The following GAB2 variants were observed in gnomAD, a reference collection of about 807,000 sequenced individuals.
The protein encoded by GAB2 is GRB2 associated binding protein 2, also known as GRB2-associated-binding protein 2.
A neutral mutation model predicts 65.5 loss-of-function variants in GAB2; 26 were observed. The ratio of observed to expected loss-of-function variants is 0.40; its 90% CI spans 0.29 to 0.55. The LOEUF (loss-of-function observed/expected upper bound fraction) is 0.55. Among genes scored for constraint, GAB2 ranks in the 20% least tolerant of loss-of-function variants. The pLI is 0.53. For synonymous variants in GAB2, 321 were observed against 329.6 expected, an observed-to-expected ratio of 0.97 and a Z score of 0.28; for missense variants, 884 against 875.8, an observed-to-expected ratio of 1.01 and a Z score of -0.12.
intron 1 of GAB2, among the ~76,000 whole-genome samples, chr11:78,334,398 C>T (rs2134681927): frequency 6.6e-6 from 1 of 152,250 alleles, no homozygotes; most frequent in Middle Eastern, 3.4e-3. Flanking sequence ...ACCTCTCTTA[C>T]CACCCCTCAC....
At chr11:78,412,257 AT>A (rs1857139799) in intron 1 of GAB2, among the ~76,000 whole-genome samples, 1 of 152,228 alleles carries the variant, frequency 6.6e-6, no homozygotes, top group African/African-American at 2.4e-5. Context: ...CATAAGGGAA[AT>A]GTAAATGAGA....
chr11:78,417,688 G>T lies in GAB2; in HGVS notation c.33C>A (p.Gly11=). The T allele has an allele frequency of 7.2e-7, 1 of 1,387,112 alleles. No homozygotes were observed. Among genetic ancestry groups the T allele is most frequent in the Non-Finnish European group, 9.6e-7 (1 of 1,046,986 alleles). 85.9% of individuals were successfully genotyped at this position (1,387,112 alleles called of 1,614,324 possible). The part of the protein sequence containing the change: MSGGGDVVCT[G]WLRKSPPEKK... ...TCTCGGGAGGCGATTTCCTCAGCCA[G>T]CCGGTGCACACCACGTCGCCGCCGC... The change falls in exon 1 of 10, where the codon GGC becomes GGA. Residue 11 remains glycine (G), a synonymous_variant. Transcript: ENST00000361507.
chr11:78,300,238 T>TA (rs1244493891), intron 1 of GAB2, among the ~76,000 whole-genome samples: 2 of 151,820 alleles, frequency 1.3e-5, no homozygotes, highest in African/African-American at 4.9e-5. Flanking sequence ...CCTGGCTTTT[T>TA]ATGCACAACA....
intron 2 of GAB2, among the ~76,000 whole-genome samples, chr11:78,266,046 C>T (rs1017704398): frequency 6.6e-6 from 1 of 151,558 alleles, no homozygotes; most frequent in Non-Finnish European, 1.5e-5. Flanking sequence ...GAAACCCCAT[C>T]TCTACTAAAA....
At chr11:78,256,815 A>G (rs1332892305) in intron 2 of GAB2, among the ~76,000 whole-genome samples, 2 of 152,168 alleles carry the variant, frequency 1.3e-5, no homozygotes, top group African/African-American at 2.4e-5. Flanking sequence ...GAATGGTGAA[A>G]ATAAAGGAAG....
chr11:78,361,959 G>T (rs1856440420), intron 1 of GAB2, among the ~76,000 whole-genome samples: 1 of 151,994 alleles, frequency 6.6e-6, no homozygotes, highest in South Asian at 2.1e-4. Flanking sequence ...ATGCTCATCA[G>T]TAAAGACTTA....
At chr11:78,417,563 GCCGCCCCTCCGGGAGTCCC>G (rs1857215535) in intron 1 of GAB2, 64 bp downstream of exon 1, 3 of 688,770 alleles carry the variant, frequency 4.4e-6, no homozygotes, top group South Asian at 4.6e-5. Context: ...TCCCCAGCCT[GCCGCCCCTCCGGGAGTCCC>G]CCGCCCCTCC....
intron 1 of GAB2, among the ~76,000 whole-genome samples, chr11:78,414,007 G>C (rs1232996223): frequency 3.4e-5 from 5 of 147,710 alleles, no homozygotes; most frequent in Admixed American, 6.9e-5. Context: ...AGAATCGCTT[G>C]AACCCAGGAG....
chr11:78,302,730 A>G (rs1867063821), intron 1 of GAB2, among the ~76,000 whole-genome samples: 1 of 152,236 alleles, frequency 6.6e-6, no homozygotes, highest in Non-Finnish European at 1.5e-5. Context: ...TTGCACACAC[A>G]TGCTTATAGC....
intron 1 of GAB2, among the ~76,000 whole-genome samples, chr11:78,304,628 A>T (rs1855313317): frequency 6.6e-6 from 1 of 152,328 alleles, no homozygotes; most frequent in Middle Eastern, 3.4e-3. Flanking sequence ...CAAGTTATTA[A>T]AAGTTTTTAA....
chr11:78,216,119 G>C lies in GAB2; in HGVS notation c.*3153C>G, dbSNP rs1864131948. On this transcript the variant is annotated 3_prime_UTR_variant, in exon 10 of 10. Transcript: ENST00000361507. Reference sequence around the variant, plus strand: ...TTCAAGCAGCTGAGCACCAGCTGTGGATGGGACCTCAGCGCAGCTAATCCA... The same window carrying C: ...TTCAAGCAGCTGAGCACCAGCTGTGCATGGGACCTCAGCGCAGCTAATCCA... 6.5e-6 allele frequency: 1 copy of C among 152,716 alleles called. No individual in the cohort carries two copies. Among genetic ancestry groups the C allele is most frequent in the Non-Finnish European group, 1.5e-5 (1 of 68,074 alleles). The allele number at this position is 152,716 out of a possible 1,614,324, so 9.5% of individuals were successfully genotyped here. A position where few individuals can be genotyped will look rare whatever the true frequency, so the allele number is the denominator to read the frequency against.
intron 1 of GAB2, among the ~76,000 whole-genome samples, chr11:78,363,281 G>A (rs576644282): frequency 1.3e-5 from 2 of 152,324 alleles, no homozygotes; most frequent in East Asian, 3.9e-4. Context: ...GGCTTTGTCA[G>A]CAATTCTGTG....
intron 1 of GAB2, among the ~76,000 whole-genome samples, chr11:78,281,531 C>T (rs779605037): frequency 1.3e-5 from 2 of 152,190 alleles, no homozygotes; most frequent in African/African-American, 2.4e-5. Flanking sequence ...CAGGCATGAG[C>T]CACCATGCCC....
chr11:78,338,482 G>C (rs759214589), intron 1 of GAB2, among the ~76,000 whole-genome samples: 1 of 152,064 alleles, frequency 6.6e-6, no homozygotes, highest in Non-Finnish European at 1.5e-5. Flanking sequence ...GCTTATTCTA[G>C]ACTTCTTGTA....
chr11:78,300,905 G>A (rs990010470), intron 1 of GAB2, among the ~76,000 whole-genome samples: 1 of 151,956 alleles, frequency 6.6e-6, no homozygotes, highest in Non-Finnish European at 1.5e-5. Flanking sequence ...ATGTTGCCCA[G>A]GCTAGTCTCC....
rs962461253 is a variant in GAB2, at chr11:78,378,333, G to A, written c.75+39313C>T. Among the ~76,000 whole-genome samples, 7 of 152,232 alleles carry A rather than the reference G, an allele frequency of 4.6e-5. No individual in the cohort carries two copies. In the South Asian group the frequency reaches 1.2e-3, roughly 27 times the overall value. ...AAAATATGATTGTGTGCCCAAGGTC[G>A]CCTGGTATCTAGAAAATTTTCTTCC... On this transcript the variant is annotated intron_variant, in intron 1 of 9. Transcript: ENST00000361507.
chr11:78,385,397 A>G (rs1856753209), intron 1 of GAB2, among the ~76,000 whole-genome samples: 1 of 152,230 alleles, frequency 6.6e-6, no homozygotes, highest in South Asian at 2.1e-4. Context: ...AATGTCAACA[A>G]TGTGACAGGA....
rs376502758 is a variant in GAB2, at chr11:78,417,744, C to T, written c.-24G>A. 2.3e-5 allele frequency: 28 copies of T among 1,218,164 alleles called. No homozygotes were observed. The African/African-American group carries it at 4.2e-4, about 18-fold the overall frequency. The allele number at this position is 1,218,164 out of a possible 1,614,324, so 75.5% of individuals were successfully genotyped here. A position where few individuals can be genotyped will look rare whatever the true frequency, so the allele number is the denominator to read the frequency against. ...ATGCTGCCGGCCTGGAGCCCCCCGC[C>T]GGGTCGCGCGGACGAGGGCGCGGGC... On this transcript the variant is annotated 5_prime_UTR_variant, in exon 1 of 10. Transcript: ENST00000361507.
At chr11:78,231,707 T>TA in intron 3 of GAB2, 1 of 152,230 alleles carries the variant, frequency 6.6e-6, no homozygotes, top group South Asian at 2.1e-4. Context: ...TTGTACTTGT[T>TA]CTTCCACACA....
Sources: allele counts gnomAD v4.1 joint callset (sites outside exome capture counted in the v4.1 genomes callset), GRCh38; gene constraint gnomAD v4.1.1; transcripts MANE v1.5; gene names NCBI Gene and HGNC (gene_info 2026-07-23, HGNC 2026-07-21).